The following ATP8B4 variants were observed in gnomAD, a reference collection of about 807,000 sequenced individuals.
ATP8B4 encodes the protein probable phospholipid-transporting ATPase IM.
Under a neutral mutation model 145.6 loss-of-function variants are expected in ATP8B4, and 133 were observed. That is an observed-to-expected ratio of 0.91 (90% confidence interval 0.79 to 1.05). The LOEUF is 1.05. ATP8B4 is among the 50% of genes least tolerant of loss of function. The pLI is 0.00. For missense variants in ATP8B4, 1,458 were observed against 1,425.2 expected (o/e 1.02, Z -0.37); for synonymous variants, 507 against 492.9 (o/e 1.03, Z -0.38).
At chr15:49,890,052 C>T (rs958138022) in intron 23 of ATP8B4, among the ~76,000 whole-genome samples, 1 of 152,150 alleles carries the variant, frequency 6.6e-6, no homozygotes, top group African/African-American at 2.4e-5. Context: ...GATTTTTCAA[C>T]ATTTGTTATG....
chr15:50,044,649 A>C lies in ATP8B4; in HGVS notation c.245T>G (p.Val82Gly). The C allele has an allele frequency of 3.1e-6, 5 of 1,613,692 alleles. No homozygotes were observed. The highest frequency in any genetic ancestry group is 4.2e-6 in the Non-Finnish European group (5 of 1,179,770). ...CATAGTTATCACCAGGACCAAAGGC[A>C]CAATGGTGGTAAACCAGGTCAAGGA... ...ISSLTWFTTI[V>G]PLVLVITMTA... The change falls in exon 5 of 28, where the codon GTG becomes GGG. Residue 82 changes from valine to glycine, a missense_variant. Val to Gly is a moderately radical substitution (Grantham distance 109). Coordinates refer to ENST00000284509, the MANE Select transcript of ATP8B4 (RefSeq NM_024837.4).
chr15:49,879,476 C>T lies in ATP8B4; in HGVS notation c.2698-17G>A, dbSNP rs181248775. 1.1e-4 allele frequency: 174 copies of T among 1,566,150 alleles called. No individual in the cohort carries two copies. The highest frequency in any genetic ancestry group is 1.4e-4 in the Non-Finnish European group (160 of 1,145,940). On this transcript the variant is annotated splice_polypyrimidine_tract_variant and intron_variant, in intron 23 of 27. Transcript: ENST00000284509. Reference sequence around the variant, plus strand: ...ATAAACAGTCTGAAAAGAAATATAACATATAAGTGAGAAACATCATCCATA... The same window carrying T: ...ATAAACAGTCTGAAAAGAAATATAATATATAAGTGAGAAACATCATCCATA...
intron 6 of ATP8B4, among the ~76,000 whole-genome samples, chr15:50,017,340 T>C (rs148226426): frequency 5.3e-4 from 81 of 152,338 alleles, no homozygotes; most frequent in African/African-American, 1.8e-3. Flanking sequence ...ATCTTTCTTA[T>C]ATGAAGAACA....
At chr15:49,970,249 A>G (rs1281642398) in intron 13 of ATP8B4, among the ~76,000 whole-genome samples, 1 of 152,228 alleles carries the variant, frequency 6.6e-6, no homozygotes, top group Non-Finnish European at 1.5e-5. Context: ...TCTGTTCAAC[A>G]TAGTATTGGA....
intron 1 of ATP8B4, among the ~76,000 whole-genome samples, chr15:50,165,195 A>G (rs976727344): frequency 6.6e-6 from 1 of 151,932 alleles, no homozygotes. Context: ...GATTACAGGT[A>G]CCCACCACCA....
chr15:49,933,926 G>T, intron 15 of ATP8B4, 91 bp downstream of exon 15: 3 of 1,351,278 alleles, frequency 2.2e-6, no homozygotes, highest in Non-Finnish European at 2.9e-6. Context: ...CTGCTCAAAT[G>T]CTTAATTTGT....
intron 26 of ATP8B4, among the ~76,000 whole-genome samples, chr15:49,865,683 C>T (rs1448063887): frequency 2.0e-5 from 3 of 152,220 alleles, no homozygotes; most frequent in Non-Finnish European, 4.4e-5. Flanking sequence ...TTCTCGATGA[C>T]CAGAGGTCAC....
At chr15:49,947,428 ACT>A (rs1421585436) in intron 14 of ATP8B4, among the ~76,000 whole-genome samples, 2 of 119,460 alleles carry the variant, frequency 1.7e-5, no homozygotes, top group African/African-American at 6.7e-5. Flanking sequence ...ACAGAGTGAG[ACT>A]CTGTCTCAAA....
intron 1 of ATP8B4, among the ~76,000 whole-genome samples, chr15:50,131,012 G>A (rs981694366): frequency 8.0e-5 from 12 of 150,456 alleles, no homozygotes; most frequent in Non-Finnish European, 1.5e-4. Flanking sequence ...GGGAAAGCAT[G>A]GCACCTTCTT....
intron 1 of ATP8B4, among the ~76,000 whole-genome samples, chr15:50,172,993 C>T (rs1419644241): frequency 1.6e-4 from 24 of 149,672 alleles, no homozygotes; most frequent in African/African-American, 5.4e-4. Context: ...CCCGGCCAGC[C>T]GCCCCGTCCG....
intron 1 of ATP8B4, among the ~76,000 whole-genome samples, chr15:50,125,617 T>C (rs1366469845): frequency 1.3e-5 from 2 of 152,142 alleles, no homozygotes; most frequent in East Asian, 3.9e-4. Flanking sequence ...GTTCGAAAAA[T>C]TTATCAGGCC....
intron 5 of ATP8B4, among the ~76,000 whole-genome samples, chr15:50,041,385 T>C (rs1167763247): frequency 6.6e-6 from 1 of 152,222 alleles, no homozygotes; most frequent in African/African-American, 2.4e-5. Flanking sequence ...TTTTGAAATA[T>C]ATGAAAGCCA....
At chr15:50,121,496 G>C (rs531998042), upstream of ATP8B4, among the ~76,000 whole-genome samples, 1 of 152,224 alleles carries the variant, frequency 6.6e-6, no homozygotes, top group African/African-American at 2.4e-5. Flanking sequence ...TAAATGTCAT[G>C]TTATGTATAC....
At chr15:49,985,332 G>A (rs958120904) in intron 10 of ATP8B4, among the ~76,000 whole-genome samples, 4 of 152,012 alleles carry the variant, frequency 2.6e-5, no homozygotes, top group South Asian at 2.1e-4. Context: ...TCCTGACCTC[G>A]TGATCCACCC....
intron 1 of ATP8B4, among the ~76,000 whole-genome samples, chr15:50,129,497 G>T (rs28650901): frequency 0.03 from 4,500 of 152,048 alleles, 222 homozygotes; most frequent in African/African-American, 0.1. Flanking sequence ...CCCTTTGTGC[G>T]TCTTCTCTGT....
At chr15:49,904,105 C>T (rs2038350949) in intron 20 of ATP8B4, among the ~76,000 whole-genome samples, 1 of 152,114 alleles carries the variant, frequency 6.6e-6, no homozygotes, top group African/African-American at 2.4e-5. Flanking sequence ...AGATCCATGG[C>T]TGGAACCTAC....
intron 1 of ATP8B4, among the ~76,000 whole-genome samples, chr15:50,158,009 G>A (rs1417127276): frequency 2.6e-5 from 4 of 152,210 alleles, no homozygotes; most frequent in African/African-American, 7.2e-5. Context: ...CGCCAGCCTC[G>A]GCCTCCTGAG....
chr15:49,913,882 A>G (rs1046282713), intron 20 of ATP8B4, among the ~76,000 whole-genome samples: 5 of 152,224 alleles, frequency 3.3e-5, no homozygotes, highest in Non-Finnish European at 7.3e-5. Flanking sequence ...GAGGGCACAA[A>G]CAAATGAAAA....
chr15:50,145,951 AAGAT>A (rs1281302728), intron 1 of ATP8B4, among the ~76,000 whole-genome samples: 2 of 152,152 alleles, frequency 1.3e-5, no homozygotes, highest in Non-Finnish European at 2.9e-5. Context: ...AAGATGGAAA[AAGAT>A]AGAACTCTTC....
Sources: allele counts gnomAD v4.1 joint callset (sites outside exome capture counted in the v4.1 genomes callset), GRCh38; gene constraint gnomAD v4.1.1; transcripts MANE v1.5; gene names NCBI Gene and HGNC (gene_info 2026-07-23, HGNC 2026-07-21).